Variants in ANXA4 observed in about 807,000 individuals in gnomAD.
The protein encoded by ANXA4 is annexin A4, also known as 35-beta calcimedin.
In ANXA4, 39 loss-of-function variants were observed where a neutral mutation model predicts 49.8. That is an observed-to-expected ratio of 0.78 (90% CI 0.61 to 1.02). The LOEUF (loss-of-function observed/expected upper bound fraction) is 1.02, where lower values mean the gene tolerates loss of function less well. ANXA4 is among the 50% of genes least tolerant of loss of function. ANXA4 has a pLI of 0.00. For missense variants in ANXA4, 360 were observed against 410.1 expected (o/e 0.88, Z 1.05); for synonymous variants, 134 against 152.5 (o/e 0.88, Z 0.89).
intron 3 of ANXA4, among the ~76,000 whole-genome samples, chr2:69,800,034 C>G (rs1023189120): frequency 1.9e-4 from 29 of 151,980 alleles, no homozygotes; most frequent in Non-Finnish European, 1.5e-5. Context: ...GTGAGTGAGG[C>G]TGGCTGACTT....
At chr2:69,680,657 A>C (rs185823742) in intron 2 of ANXA4, among the ~76,000 whole-genome samples, 1 of 152,132 alleles carries the variant, frequency 6.6e-6, no homozygotes, top group Non-Finnish European at 1.5e-5. Context: ...TATGGCCTTT[A>C]GTATGTTGAG....
chr2:69,768,965 G>A (rs1671604698), intron 1 of ANXA4, among the ~76,000 whole-genome samples: 1 of 152,022 alleles, frequency 6.6e-6, no homozygotes, highest in African/African-American at 2.4e-5. Flanking sequence ...CAAAAAACCA[G>A]CCAACTGAAA....
chr2:69,812,150 G>T (rs1191453625), intron 7 of ANXA4, among the ~76,000 whole-genome samples: 2 of 146,292 alleles, frequency 1.4e-5, no homozygotes, highest in Non-Finnish European at 3.0e-5. Flanking sequence ...AAGATTCAAG[G>T]TCTTGCTATG....
chr2:69,741,671 G>C (rs72903043), upstream of ANXA4, among the ~76,000 whole-genome samples: 2 of 152,230 alleles, frequency 1.3e-5, no homozygotes, highest in Non-Finnish European at 2.9e-5. Flanking sequence ...TTCCCGAGGT[G>C]GGGGGAAGCG....
rs531797549 is a variant in ANXA4, at chr2:69,718,816, GCACACATGCA to G, written n.767-1950_767-1941del. ...ACATACGTGCATACACACACATGCT[GCACACATGCA>G]CACACATATACATGCACACACATAC... On this transcript the variant is annotated intron_variant and non_coding_transcript_variant, in intron 2 of 3. Coordinates refer to the ANXA4 transcript ENST00000418066. Among the ~76,000 whole-genome samples the G allele has an allele frequency of 5.0e-3, 759 of 151,438 alleles. 9 individuals carry two copies. Among genetic ancestry groups the G allele is most frequent in the African/African-American group, 0.017 (697 of 41,152 alleles).
intron 3 of ANXA4, among the ~76,000 whole-genome samples, chr2:69,724,233 C>G (rs576813579): frequency 5.6e-4 from 85 of 152,338 alleles, no homozygotes; most frequent in Non-Finnish European, 1.2e-4. Context: ...TGCCCCATCT[C>G]CTAGAAACTG....
chr2:69,777,602 G>A (rs1456215928), intron 1 of ANXA4, among the ~76,000 whole-genome samples: 5 of 152,164 alleles, frequency 3.3e-5, no homozygotes, highest in Admixed American at 2.6e-4. Context: ...ATATTATATG[G>A]CCTGACTGCA....
chr2:69,781,928 A>G (rs1031097724), intron 2 of ANXA4, among the ~76,000 whole-genome samples: 2 of 152,210 alleles, frequency 1.3e-5, no homozygotes, highest in Admixed American at 6.5e-5. Context: ...GAGGACTGCT[A>G]TCGATACTCT....
chr2:69,703,679 A>G (rs1232267377), intron 2 of ANXA4, among the ~76,000 whole-genome samples: 2 of 152,322 alleles, frequency 1.3e-5, no homozygotes, highest in East Asian at 3.9e-4. Context: ...TGTTTTCTGA[A>G]TAATTCATCT....
intron 3 of ANXA4, among the ~76,000 whole-genome samples, chr2:69,735,088 G>T (rs1055312992): frequency 1.3e-5 from 2 of 152,154 alleles, no homozygotes; most frequent in Non-Finnish European, 2.9e-5. Flanking sequence ...ACTCCATCTT[G>T]CTTCTAACCT....
chr2:69,746,807 C>T (rs973383023), intron 1 of ANXA4, among the ~76,000 whole-genome samples: 4 of 133,960 alleles, frequency 3.0e-5, no homozygotes, highest in African/African-American at 1.1e-4. Flanking sequence ...TCTGTCTCTA[C>T]CAAAAACAAA....
chr2:69,656,801 C>T (rs1676518238), intron 2 of ANXA4, among the ~76,000 whole-genome samples: 1 of 151,770 alleles, frequency 6.6e-6, no homozygotes, highest in Non-Finnish European at 1.5e-5. Context: ...CTGCCTGCCT[C>T]AGTCTCCTCA....
intron 7 of ANXA4, chr2:69,810,987 A>G (rs1673683554): frequency 3.6e-6 from 1 of 277,216 alleles, no homozygotes; most frequent in Non-Finnish European, 6.9e-6. Flanking sequence ...GTCATAAGGG[A>G]ATACATCAGG....
intron 1 of ANXA4, among the ~76,000 whole-genome samples, chr2:69,751,507 C>CAAAAAAA (rs71397349): frequency 1.0e-5 from 1 of 96,876 alleles, no homozygotes. Flanking sequence ...GACCCTGTCT[C>CAAAAAAA]AAAAAAAAAA....
chr2:69,670,199 G>A (rs140028128), intron 2 of ANXA4, among the ~76,000 whole-genome samples: 2,776 of 152,156 alleles, frequency 0.018, 25 homozygotes, highest in Middle Eastern at 0.034. Flanking sequence ...CAGCATTTTG[G>A]GAAGTCGAAG....
intron 2 of ANXA4, among the ~76,000 whole-genome samples, chr2:69,707,649 G>C (rs1678539644): frequency 6.6e-6 from 1 of 152,184 alleles, no homozygotes; most frequent in Non-Finnish European, 1.5e-5. Context: ...GAGATGTTTT[G>C]ATACAGGCAT....
At chr2:69,752,127 G>A (rs974710445) in intron 1 of ANXA4, among the ~76,000 whole-genome samples, 2 of 152,192 alleles carry the variant, frequency 1.3e-5, no homozygotes, top group African/African-American at 4.8e-5. Flanking sequence ...CTTATGCACA[G>A]TTGTGGAGAT....
chr2:69,701,867 G>C (rs1437627263), intron 2 of ANXA4, among the ~76,000 whole-genome samples: 1 of 151,486 alleles, frequency 6.6e-6, no homozygotes, highest in African/African-American at 2.4e-5. Context: ...GTTTTCTCTT[G>C]GGCTTTCTTT....
At chr2:69,801,969 A>G (rs1427301382) in intron 3 of ANXA4, among the ~76,000 whole-genome samples, 1 of 152,198 alleles carries the variant, frequency 6.6e-6, no homozygotes, top group East Asian at 1.9e-4. Flanking sequence ...CTGGTAATGA[A>G]GGGGGTCAGG....
Sources: gnomAD v4.1 joint callset for allele counts (sites outside exome capture counted in the v4.1 genomes callset) on GRCh38, gnomAD v4.1.1 for gene constraint, MANE v1.5 for transcripts, NCBI Gene and HGNC (gene_info 2026-07-23, HGNC 2026-07-21) for gene names.